The following SUPT3H variants were observed in gnomAD, a reference collection of about 807,000 sequenced individuals.
The protein encoded by SUPT3H is SPT3 homolog, SAGA and STAGA complex component.
In SUPT3H, 44 loss-of-function variants were observed where a neutral mutation model predicts 44.3. The observed-to-expected ratio is 0.99, with a 90% confidence interval of 0.78 to 1.28. The LOEUF is 1.28. SUPT3H is among the 50% of genes most tolerant of loss of function. The pLI, the probability that SUPT3H is intolerant of heterozygous loss-of-function variation, is 0.00. For missense variants in SUPT3H, 380 were observed against 387.1 expected, an observed-to-expected ratio of 0.98 and a Z score of 0.15; for synonymous variants, 124 against 125.6, an observed-to-expected ratio of 0.99 and a Z score of 0.09.
At chr6:45,064,666 T>C in intron 3 of SUPT3H, among the ~76,000 whole-genome samples, 1 of 130,460 alleles carries the variant, frequency 7.7e-6, no homozygotes, top group East Asian at 2.2e-4. Context: ...AATCCTAGTC[T>C]CTGATAAAAC....
At chr6:45,102,869 T>G (rs1026206171) in intron 3 of SUPT3H, among the ~76,000 whole-genome samples, 2 of 151,204 alleles carry the variant, frequency 1.3e-5, no homozygotes, top group African/African-American at 2.4e-5. Flanking sequence ...AACCCAGGAG[T>G]TGGAGATTGT....
At chr6:45,051,350 G>A (rs1934733381) in intron 3 of SUPT3H, among the ~76,000 whole-genome samples, 1 of 152,100 alleles carries the variant, frequency 6.6e-6, no homozygotes, top group Admixed American at 6.5e-5. Flanking sequence ...CTTCCTTAGA[G>A]AGGTAGGAAG....
At chr6:45,187,362 C>T (rs1814418046) in intron 2 of SUPT3H, among the ~76,000 whole-genome samples, 1 of 151,708 alleles carries the variant, frequency 6.6e-6, no homozygotes, top group Non-Finnish European at 1.5e-5. Flanking sequence ...TTGCAATGAG[C>T]CAAGATTGTG....
intron 2 of SUPT3H, among the ~76,000 whole-genome samples, chr6:45,242,170 C>T (rs1000779648): frequency 6.6e-6 from 1 of 152,176 alleles, no homozygotes; most frequent in Non-Finnish European, 1.5e-5. Flanking sequence ...CCATGCATAA[C>T]AGCAATGACT....
intron 6 of SUPT3H, among the ~76,000 whole-genome samples, chr6:44,998,312 C>T (rs1363026258): frequency 1.3e-5 from 2 of 151,798 alleles, no homozygotes; most frequent in Admixed American, 6.6e-5. Flanking sequence ...CTGATTTATC[C>T]AGGTTTAGTA....
chr6:44,963,207 A>G (rs1029025011), intron 6 of SUPT3H, among the ~76,000 whole-genome samples: 1 of 152,156 alleles, frequency 6.6e-6, no homozygotes, highest in Non-Finnish European at 1.5e-5. Flanking sequence ...TGTCAGAAAT[A>G]TCACGTCTCG....
chr6:44,881,996 C>A (rs983158243), intron 10 of SUPT3H, among the ~76,000 whole-genome samples: 1 of 152,074 alleles, frequency 6.6e-6, no homozygotes, highest in African/African-American at 2.4e-5. Context: ...CAAGAGCAAA[C>A]ACATTCAAAA....
At chr6:45,231,394 CTT>C (rs1430734905) in intron 2 of SUPT3H, among the ~76,000 whole-genome samples, 1 of 152,124 alleles carries the variant, frequency 6.6e-6, no homozygotes, top group African/African-American at 2.4e-5. Context: ...GGGTTTTTGT[CTT>C]TGAGCACATT....
chr6:45,128,487 G>A (rs1475265322), intron 2 of SUPT3H, among the ~76,000 whole-genome samples: 3 of 97,696 alleles, frequency 3.1e-5, no homozygotes, highest in Non-Finnish European at 5.5e-5. Context: ...CCTGGCAACA[G>A]AGCAAGACTC....
intron 10 of SUPT3H, among the ~76,000 whole-genome samples, chr6:44,837,790 C>T (rs938927415): frequency 2.6e-5 from 4 of 152,132 alleles, no homozygotes; most frequent in African/African-American, 4.8e-5. Flanking sequence ...TACTCTGTTA[C>T]CAAAAATTAT....
At chr6:45,330,188 T>C (rs1227246770) in intron 2 of SUPT3H, among the ~76,000 whole-genome samples, 1 of 151,906 alleles carries the variant, frequency 6.6e-6, no homozygotes, top group African/African-American at 2.4e-5. Flanking sequence ...TTATAATATA[T>C]ACAATATAAT....
intron 11 of SUPT3H, among the ~76,000 whole-genome samples, chr6:44,817,595 C>T (rs1050269789): frequency 7.9e-5 from 12 of 152,160 alleles, no homozygotes; most frequent in Middle Eastern, 3.4e-3. Flanking sequence ...ACTGCCCCCA[C>T]CACCTCAGCA....
intron 3 of SUPT3H, among the ~76,000 whole-genome samples, chr6:45,045,733 C>T (rs570947299): frequency 2.1e-4 from 32 of 152,092 alleles, no homozygotes; most frequent in Non-Finnish European, 1.5e-4. Flanking sequence ...AGTGTCTATA[C>T]AAGTTTTTTT....
At chr6:45,268,849 T>C (rs1349287728) in intron 2 of SUPT3H, among the ~76,000 whole-genome samples, 1 of 152,208 alleles carries the variant, frequency 6.6e-6, no homozygotes, top group African/African-American at 2.4e-5. Flanking sequence ...CTAGTCAAAA[T>C]TATTAAAGAT....
Position 44,829,655 on chromosome 6 carries a change from G to A in SUPT3H, c.*161C>T, listed in dbSNP as rs903167240. On this transcript the variant is annotated 3_prime_UTR_variant, in exon 11 of 11. Coordinates refer to ENST00000371459, the MANE Select transcript of SUPT3H (RefSeq NM_003599.4). ...CTAGTAAACAAGACCGATGGTTGAG[G>A]GGCTGGAAAAGAGGAGGAGTCAGCA... 1.5e-5 allele frequency: 11 copies of A among 717,908 alleles called. No homozygotes were observed. The highest frequency in any genetic ancestry group is 2.4e-5 in the Non-Finnish European group (10 of 419,640). The allele number at this position is 717,908 out of a possible 1,614,324, so 44.5% of individuals were successfully genotyped here.
At chr6:45,218,398 T>C (rs976930111) in intron 2 of SUPT3H, among the ~76,000 whole-genome samples, 20 of 152,068 alleles carry the variant, frequency 1.3e-4, no homozygotes, top group Non-Finnish European at 2.9e-4. Context: ...TCCACAACTA[T>C]ACATGGGGAT....
At chr6:44,949,193 G>A (rs1773865188) in intron 9 of SUPT3H, among the ~76,000 whole-genome samples, 1 of 151,906 alleles carries the variant, frequency 6.6e-6, no homozygotes, top group Non-Finnish European at 1.5e-5. Flanking sequence ...TGAACAATGA[G>A]AACACTGGGA....
Position 45,309,908 on chromosome 6 carries a change from T to C in SUPT3H, c.101+55293A>G, listed in dbSNP as rs7776224. ...CAAGAATAGTGTACCAGATTGTGAATGTTAGCTTCTGATCAACTGCAGGAA... is the reference window on the plus strand; with the variant it reads ...CAAGAATAGTGTACCAGATTGTGAACGTTAGCTTCTGATCAACTGCAGGAA... On this transcript the variant is annotated intron_variant, in intron 2 of 10. Coordinates refer to ENST00000371459, the MANE Select transcript of SUPT3H (RefSeq NM_003599.4). Among the ~76,000 whole-genome samples the C allele has an allele frequency of 1.8e-3, 266 of 151,806 alleles. 3 individuals are homozygous for C. Among genetic ancestry groups the C allele is most frequent in the African/African-American group, 6.3e-3 (260 of 41,412 alleles).
chr6:45,252,932 G>A (rs1772636444), intron 2 of SUPT3H, among the ~76,000 whole-genome samples: 1 of 151,924 alleles, frequency 6.6e-6, no homozygotes, highest in African/African-American at 2.4e-5. Flanking sequence ...CATTAATGGA[G>A]ACTAAAAATA....
Sources: allele counts gnomAD v4.1 joint callset (sites outside exome capture counted in the v4.1 genomes callset), GRCh38; gene constraint gnomAD v4.1.1; transcripts MANE v1.5; gene names NCBI Gene and HGNC (gene_info 2026-07-23, HGNC 2026-07-21).